FGD6: variants seen among roughly 807,000 people sequenced by gnomAD.
FGD6 encodes the protein FYVE, RhoGEF and PH domain containing 6.
Under a neutral mutation model 149.4 loss-of-function variants are expected in FGD6, and 90 were observed. The observed-to-expected ratio is 0.60, with a 90% CI of 0.51 to 0.72. The LOEUF is 0.72. FGD6 is among the 30% of genes least tolerant of loss of function. The probability of loss-of-function intolerance (pLI) is 0.00; values close to 1 mark genes in which losing one functional copy is unlikely to be tolerated. For synonymous variants in FGD6, 527 were observed against 584.0 expected (o/e 0.90, Z 1.41); for missense variants, 1,437 against 1,684.8 (o/e 0.85, Z 2.57).
At chr12:95,090,389 A>G (rs1878015310) in intron 17 of FGD6, among the ~76,000 whole-genome samples, 1 of 152,184 alleles carries the variant, frequency 6.6e-6, no homozygotes, top group South Asian at 2.1e-4. Context: ...GGAAAAATAG[A>G]TTATATCTGG....
chr12:95,145,801 G>C (rs536233619), intron 5 of FGD6, among the ~76,000 whole-genome samples: 26 of 152,058 alleles, frequency 1.7e-4, no homozygotes, highest in Non-Finnish European at 2.8e-4. Flanking sequence ...AGCCTCTCGA[G>C]TAGCTGAGAT....
chr12:95,213,595 T>G (rs2056738529), intron 1 of FGD6, among the ~76,000 whole-genome samples: 1 of 152,178 alleles, frequency 6.6e-6, no homozygotes, highest in African/African-American at 2.4e-5. Context: ...ATCTTTTACT[T>G]TCCGTATCTT....
Position 95,079,749 on chromosome 12 carries a change from T to G in FGD6, c.*1771A>C, listed in dbSNP as rs2136227857. 6.6e-6 allele frequency: 1 copy of G among 152,080 alleles called. No individual in the cohort carries two copies. Among genetic ancestry groups the G allele is most frequent in the Admixed American group, 6.6e-5 (1 of 15,244 alleles). The allele number at this position is 152,080 out of a possible 1,614,324, so 9.4% of individuals were successfully genotyped here. On this transcript the variant is annotated 3_prime_UTR_variant, in exon 21 of 21. Transcript: ENST00000343958. ...ATGGCAAAAAATCGCCACAAAAAAC[T>G]ATAGCAGCCAACTCTAGATCTAGTA...
Position 95,137,636 on chromosome 12 carries a change from T to G in FGD6, c.2880A>C (p.Gly960=), listed in dbSNP as rs1565905468. The change falls in exon 7 of 21, where the codon GGA becomes GGC. Residue 960 remains glycine, a synonymous_variant. Coordinates refer to ENST00000343958, the MANE Select transcript of FGD6 (RefSeq NM_018351.4). ...ATGTGGAATACATTTTTAGATATGG[T>G]CCCTTCTTTACAAAGATATCAGCAA... ...QRIADIFVKK[G]PYLKMYSTYI... 1 of 1,610,990 alleles carries G rather than the reference T, an allele frequency of 6.2e-7. No homozygotes were observed. The highest frequency in any genetic ancestry group is 1.7e-5 in the Admixed American group (1 of 59,516).
rs967813395 is a variant in FGD6, at chr12:95,078,521, T to C, written c.*2999A>G. 6.6e-6 allele frequency: 1 copy of C among 152,248 alleles called. No individual in the cohort carries two copies. The highest frequency in any genetic ancestry group is 1.5e-5 in the Non-Finnish European group (1 of 68,050). 9.4% of individuals were successfully genotyped at this position (152,248 alleles called of 1,614,324 possible). On this transcript the variant is annotated 3_prime_UTR_variant, in exon 21 of 21. Transcript: ENST00000343958. ...CTGTCGCCTTCTCTTTGTTGTGTCA[T>C]TACAGCTTTCATGTGAATCAAGGGT... is the stretch of plus-strand genomic sequence containing the variant.
chr12:95,191,026 G>A (rs943992377), intron 2 of FGD6, among the ~76,000 whole-genome samples: 3 of 152,098 alleles, frequency 2.0e-5, no homozygotes, highest in Non-Finnish European at 2.9e-5. Flanking sequence ...CTTACTACAT[G>A]TAAGACTACA....
At position 95,102,462 on chromosome 12, in the gene FGD6, A is replaced by AAAAAC. The variant is rs60034986; in HGVS notation, c.3497+2544_3497+2545insGTTTT. Reference sequence around the variant, plus strand: ...CTTTCTCAAAAAAAAAAAAAAAAAAAAAAAACACAACAACAATAAAGGAAA... The same window carrying AAAAAC: ...CTTTCTCAAAAAAAAAAAAAAAAAAAAAAACAAAAACACAACAACAATAAAGGAAA... On this transcript the variant is annotated intron_variant, in intron 14 of 20. Coordinates refer to ENST00000343958, the MANE Select transcript of FGD6 (RefSeq NM_018351.4). Among the ~76,000 whole-genome samples, 1,304 of 139,804 alleles carry AAAAAC rather than the reference A, an allele frequency of 9.3e-3. 22 individuals carry two copies. Among genetic ancestry groups the AAAAAC allele is most frequent in the African/African-American group, 0.031 (1,234 of 39,182 alleles). 91.7% of individuals were successfully genotyped at this position (139,804 alleles called of 152,430 possible).
chr12:95,090,091 C>T (rs1042087515), intron 17 of FGD6, among the ~76,000 whole-genome samples: 3 of 151,898 alleles, frequency 2.0e-5, no homozygotes, highest in African/African-American at 7.2e-5. Context: ...CTATCGGACA[C>T]GGATGAAGAA....
Position 95,172,653 on chromosome 12 carries a change from CA to C in FGD6, c.2532del (p.Asp844GlufsTer25). ...CCTTTACTTGACTCAGAGCTGACAT[CA>C]TCTTCATCAGAACTGTTGATGATTT... The part of the protein sequence containing the change: ...EEEIINSSDE[D>X]DVSSESSKGE... On this transcript the variant is annotated frameshift_variant, in exon 3 of 21. Coordinates refer to ENST00000343958, the MANE Select transcript of FGD6 (RefSeq NM_018351.4). LOFTEE classifies it high-confidence loss of function. 1 of 1,613,372 alleles carries C rather than the reference CA, an allele frequency of 6.2e-7. No homozygotes were observed. Among genetic ancestry groups the C allele is most frequent in the Non-Finnish European group, 8.5e-7 (1 of 1,179,656 alleles).
Position 95,210,341 on chromosome 12 carries a change from G to A in FGD6, c.943C>T (p.Pro315Ser). 6.2e-7 allele frequency: 1 copy of A among 1,613,940 alleles called. No homozygotes were observed. Among genetic ancestry groups the A allele is most frequent in the Middle Eastern group, 1.7e-4 (1 of 6,060 alleles). ...GCAGTTCGTGTCTTTCTGGGCTTGG[G>A]AGTTGGAAATTTTGGGGTATATGGT... is the stretch of plus-strand genomic sequence containing the variant. ...LVPYTPKFPT[P>S]KPRKTRTARL... is the part of the protein sequence containing the mutation. Residue 315 changes from proline (P) to serine (S), a missense_variant, in exon 2 of 21, where the codon CCC (proline) becomes TCC (serine). By Grantham distance (74) the Pro-to-Ser change is moderately conservative. Coordinates refer to ENST00000343958, the MANE Select transcript of FGD6 (RefSeq NM_018351.4).
chr12:95,109,241 G>C (rs2136242118), intron 9 of FGD6, among the ~76,000 whole-genome samples: 1 of 152,220 alleles, frequency 6.6e-6, no homozygotes, highest in Admixed American at 6.5e-5. Flanking sequence ...TTATAACTAG[G>C]TCTAAAGGAA....
intron 5 of FGD6, among the ~76,000 whole-genome samples, chr12:95,146,492 T>C (rs969474427): frequency 6.6e-6 from 1 of 152,174 alleles, no homozygotes; most frequent in African/African-American, 2.4e-5. Flanking sequence ...GTTTAATTTT[T>C]CACACTGGAA....
intron 8 of FGD6, chr12:95,116,976 T>G (rs1263250474): frequency 1.3e-5 from 6 of 453,972 alleles, no homozygotes; most frequent in Non-Finnish European, 2.7e-5. Flanking sequence ...CAGTAACTGT[T>G]ATAACCCAGG....
At chr12:95,193,831 T>C (rs978265041) in intron 2 of FGD6, among the ~76,000 whole-genome samples, 4 of 151,196 alleles carry the variant, frequency 2.6e-5, no homozygotes, top group African/African-American at 7.3e-5. Context: ...GCCTGGCCCA[T>C]GCTGAATTTT....
chr12:95,211,263 T>C lies in FGD6; in HGVS notation c.21A>G (p.Ile7Met), dbSNP rs141201169. The C allele has an allele frequency of 1.0e-4, 164 of 1,562,682 alleles. 2 individuals are homozygous for C. The African/African-American group carries it at 2.0e-3, about 19-fold the overall frequency. Residue 7 changes from isoleucine to methionine, a missense_variant, in exon 2 of 21, where the codon ATA becomes ATG. Transcript: ENST00000343958. MTSAAE[I>M]KKPPVAPKPK... ...GCTTGGGGGCCACTGGTGGCTTCTT[T>C]ATCTCTAGAAAGGAAAAAATAATAA...
At chr12:95,203,471 C>T (rs896133338) in intron 2 of FGD6, among the ~76,000 whole-genome samples, 3 of 152,212 alleles carry the variant, frequency 2.0e-5, no homozygotes, top group Non-Finnish European at 2.9e-5. Flanking sequence ...CAGATCTAAT[C>T]ACGCCCATTT....
intron 3 of FGD6, among the ~76,000 whole-genome samples, chr12:95,168,055 T>C (rs1880874769): frequency 1.0e-5 from 1 of 99,678 alleles, no homozygotes; most frequent in Non-Finnish European, 1.9e-5. Flanking sequence ...TTTGACTTTT[T>C]GTATTACACA....
rs1200606612 is a variant in FGD6 at position 95,077,424 on chromosome 12, CAG to C, written c.*4094_*4095del. ...CTATCACAGAGAAGTCTTGGATAAA[CAG>C]AGATGCGGATGGGTCAATGAGGAAG... On this transcript the variant is annotated 3_prime_UTR_variant, in exon 21 of 21. Transcript: ENST00000343958. 2.0e-5 allele frequency: 3 copies of C among 152,172 alleles called. No individual in the cohort carries two copies. The highest frequency in any genetic ancestry group is 2.9e-5 in the Non-Finnish European group (2 of 68,088). 9.4% of individuals were successfully genotyped at this position (152,172 alleles called of 1,614,324 possible). A position where few individuals can be genotyped will look rare whatever the true frequency, so the allele number is the denominator to read the frequency against.
chr12:95,189,939 T>C (rs1288201354), intron 2 of FGD6, among the ~76,000 whole-genome samples: 2 of 152,228 alleles, frequency 1.3e-5, no homozygotes, highest in Non-Finnish European at 2.9e-5. Flanking sequence ...CGCTTGTTAG[T>C]ACTAACTTTC....
Sources: gnomAD v4.1 joint callset for allele counts (sites outside exome capture counted in the v4.1 genomes callset) on GRCh38, gnomAD v4.1.1 for gene constraint, MANE v1.5 for transcripts, NCBI Gene and HGNC (gene_info 2026-07-23, HGNC 2026-07-21) for gene names.